RAB28: variants seen among roughly 807,000 people sequenced by gnomAD.
RAB28 encodes ras-related protein Rab-28.
In RAB28, 24 loss-of-function variants were observed where a neutral mutation model predicts 31.7. The observed-to-expected ratio is 0.76, with a 90% CI of 0.55 to 1.06. The LOEUF (loss-of-function observed/expected upper bound fraction) is 1.06, where lower values mean the gene tolerates loss of function less well. Ranked by LOEUF, RAB28 falls within the 50% of genes least tolerant of loss-of-function variation. RAB28 has a pLI of 0.00. For synonymous variants in RAB28, 100 were observed against 90.4 expected (o/e 1.11, Z -0.60); for missense variants, 254 against 258.5 (o/e 0.98, Z 0.12).
At chr4:13,429,517 C>T (rs1713689785) in intron 4 of RAB28, among the ~76,000 whole-genome samples, 1 of 152,130 alleles carries the variant, frequency 6.6e-6, no homozygotes, top group South Asian at 2.1e-4. Context: ...ATTAAGAAAG[C>T]ATTTCCATTA....
chr4:13,447,908 A>C (rs16888654), intron 4 of RAB28, among the ~76,000 whole-genome samples: 11,319 of 152,178 alleles, frequency 0.074, 744 homozygotes, highest in African/African-American at 0.18. Context: ...AACTGTCTGG[A>C]AATAACCATG....
chr4:13,435,602 T>C (rs1323016192), intron 4 of RAB28, among the ~76,000 whole-genome samples: 1 of 152,158 alleles, frequency 6.6e-6, no homozygotes, highest in Non-Finnish European at 1.5e-5. Context: ...AACACGTCCA[T>C]GTGCACAAAC....
chr4:13,370,945 A>G (rs1728690573), intron 6 of RAB28: 6 of 977,224 alleles, frequency 6.1e-6, no homozygotes, highest in Non-Finnish European at 7.3e-6. Flanking sequence ...CACAGATAAC[A>G]TGTTACCCAA....
chr4:13,429,332 G>A (rs1713680391), intron 4 of RAB28, among the ~76,000 whole-genome samples: 1 of 152,098 alleles, frequency 6.6e-6, no homozygotes, highest in Non-Finnish European at 1.5e-5. Flanking sequence ...AAAGGAAGAA[G>A]TAAAATTTTC....
At chr4:13,445,702 ACTG>A (rs1458385454) in intron 4 of RAB28, among the ~76,000 whole-genome samples, 2 of 152,216 alleles carry the variant, frequency 1.3e-5, no homozygotes, top group Non-Finnish European at 2.9e-5. Flanking sequence ...AACAGCAAAG[ACTG>A]CTATCTATTC....
At chr4:13,433,869 C>A (rs1163655176) in intron 4 of RAB28, among the ~76,000 whole-genome samples, 1 of 152,022 alleles carries the variant, frequency 6.6e-6, no homozygotes, top group East Asian at 1.9e-4. Context: ...CTCATATGCT[C>A]ATTGAAGCCC....
chr4:13,447,889 T>C lies in RAB28; in HGVS notation c.391+12810A>G, dbSNP rs111866481. Among the ~76,000 whole-genome samples, 426 of 152,304 alleles carry C rather than the reference T, an allele frequency of 2.8e-3. 5 individuals carry two copies. The highest frequency in any genetic ancestry group is 9.0e-3 in the African/African-American group (375 of 41,572). ...AACTACAAATGAAGTTAAAATTAAA[T>C]GCTCTTAAAACTGTCTGGAAATAAC... On this transcript the variant is annotated intron_variant, in intron 4 of 6. Transcript: ENST00000330852.
chr4:13,393,657 T>C (rs145762825), intron 4 of RAB28, among the ~76,000 whole-genome samples: 3 of 152,030 alleles, frequency 2.0e-5, no homozygotes, highest in Non-Finnish European at 4.4e-5. Context: ...ATAGGTTTTC[T>C]GATTATGACA....
At position 13,389,910 on chromosome 4, in the gene RAB28, A is replaced by C. The variant is rs552949981; in HGVS notation, c.392-8316T>G. On this transcript the variant is annotated intron_variant, in intron 4 of 6. Coordinates refer to ENST00000330852, the MANE Select transcript of RAB28 (RefSeq NM_001017979.3). ...ACTGGGTATTGATGGAACGTATCTCAAAACAATAAGAGCTATTTATGACAA... is the reference window on the plus strand; with the variant it reads ...ACTGGGTATTGATGGAACGTATCTCCAAACAATAAGAGCTATTTATGACAA... Among the ~76,000 whole-genome samples the C allele has an allele frequency of 6.6e-5, 10 of 152,310 alleles. 1 individual carries two copies. In the South Asian group the frequency reaches 8.3e-4, roughly 13 times the overall value.
intron 4 of RAB28, among the ~76,000 whole-genome samples, chr4:13,381,842 C>T (rs1729145781): frequency 6.6e-6 from 1 of 150,704 alleles, no homozygotes; most frequent in Admixed American, 6.6e-5. Context: ...AAGACCAGCA[C>T]AGAAGTGCTA....
At chr4:13,463,182 T>C (rs941703287) in intron 3 of RAB28, among the ~76,000 whole-genome samples, 1 of 152,186 alleles carries the variant, frequency 6.6e-6, no homozygotes, top group African/African-American at 2.4e-5. Context: ...AACTCACAAA[T>C]AAAGCCTAGG....
chr4:13,454,300 A>C (rs1715169056), intron 4 of RAB28, among the ~76,000 whole-genome samples: 1 of 151,884 alleles, frequency 6.6e-6, no homozygotes, highest in South Asian at 2.1e-4. Context: ...GACTTTCCTT[A>C]TTATTCTGAA....
intron 4 of RAB28, among the ~76,000 whole-genome samples, chr4:13,437,442 A>T (rs371022188): frequency 6.6e-6 from 1 of 152,200 alleles, no homozygotes. Flanking sequence ...ACAGAATGAG[A>T]GAAAATACCT....
intron 4 of RAB28, among the ~76,000 whole-genome samples, chr4:13,420,635 A>G (rs1713075893): frequency 6.6e-6 from 1 of 152,236 alleles, no homozygotes; most frequent in African/African-American, 2.4e-5. Flanking sequence ...TCCATCACAT[A>G]AACAGAACCA....
At chr4:13,411,462 C>G (rs1371572774) in intron 4 of RAB28, among the ~76,000 whole-genome samples, 1 of 151,946 alleles carries the variant, frequency 6.6e-6, no homozygotes, top group East Asian at 1.9e-4. Flanking sequence ...AACTTAATAA[C>G]AATCTGACAA....
At chr4:13,392,407 G>A (rs1729679076) in intron 4 of RAB28, among the ~76,000 whole-genome samples, 1 of 152,156 alleles carries the variant, frequency 6.6e-6, no homozygotes, top group Non-Finnish European at 1.5e-5. Flanking sequence ...CCAATCCAGA[G>A]ATGATAGATT....
intron 4 of RAB28, among the ~76,000 whole-genome samples, chr4:13,450,121 C>T (rs1177536847): frequency 6.6e-6 from 1 of 151,574 alleles, no homozygotes; most frequent in Non-Finnish European, 1.5e-5. Context: ...TATACCCTTG[C>T]CTGAAACACT....
chr4:13,418,463 A>C (rs571020036), intron 4 of RAB28, among the ~76,000 whole-genome samples: 137 of 152,320 alleles, frequency 9.0e-4, no homozygotes, highest in African/African-American at 3.0e-3. Flanking sequence ...AGATTCACCA[A>C]GGTTGAAATG....
At chr4:13,399,146 C>G (rs147856688) in intron 4 of RAB28, among the ~76,000 whole-genome samples, 231 of 152,248 alleles carry the variant, frequency 1.5e-3, no homozygotes, top group African/African-American at 5.4e-3. Context: ...ACAACTCACC[C>G]CCAAGGCAGT....
Sources: allele counts gnomAD v4.1 joint callset (sites outside exome capture counted in the v4.1 genomes callset), GRCh38; gene constraint gnomAD v4.1.1; transcripts MANE v1.5; gene names NCBI Gene and HGNC (gene_info 2026-07-23, HGNC 2026-07-21).